ORC5: variants seen among roughly 807,000 people sequenced by gnomAD.
ORC5 encodes the protein protein phosphatase 1, regulatory subunit 117.
Under a neutral mutation model 58.8 loss-of-function variants are expected in ORC5, and 39 were observed. That is an observed-to-expected ratio of 0.66 (90% CI 0.51 to 0.87). The LOEUF (loss-of-function observed/expected upper bound fraction) is 0.87, where lower values mean the gene tolerates loss of function less well. Ranked by LOEUF, ORC5 falls within the 40% of genes least tolerant of loss-of-function variation. The probability of loss-of-function intolerance (pLI) is 0.00; values close to 1 mark genes in which losing one functional copy is unlikely to be tolerated. For missense variants in ORC5, 493 were observed against 506.3 expected (o/e 0.97, Z 0.25); for synonymous variants, 218 against 177.6 (o/e 1.23, Z -1.81).
chr7:104,167,954 A>G (rs904003149), intron 9 of ORC5: 2 of 147,426 alleles, frequency 1.4e-5, no homozygotes, highest in African/African-American at 5.2e-5. Flanking sequence ...ACCATCAGCC[A>G]CTGACTTTTA....
At chr7:104,165,696 CTGAT>C (rs1310351096) in intron 10 of ORC5, 1 of 165,026 alleles carries the variant, frequency 6.1e-6, no homozygotes, top group Non-Finnish European at 1.3e-5. Flanking sequence ...ATAATAAACA[CTGAT>C]TGAGAGCATT....
At chr7:104,185,070 A>G (rs1056880085) in intron 6 of ORC5, among the ~76,000 whole-genome samples, 10 of 135,468 alleles carry the variant, frequency 7.4e-5, no homozygotes, top group Non-Finnish European at 1.4e-4. Flanking sequence ...TATTTTGTGT[A>G]AGGCTCCTGT....
intron 8 of ORC5, among the ~76,000 whole-genome samples, chr7:104,182,594 C>T (rs546679094): frequency 4.0e-5 from 6 of 151,656 alleles, no homozygotes; most frequent in Admixed American, 1.3e-4. Context: ...TCGGTGTTAC[C>T]GCTAATACCA....
chr7:104,178,012 A>C (rs1799358013), intron 8 of ORC5, among the ~76,000 whole-genome samples: 1 of 152,174 alleles, frequency 6.6e-6, no homozygotes, highest in African/African-American at 2.4e-5. Flanking sequence ...GCTATTGTGA[A>C]TAGTGCTGCA....
In ORC5 at chr7:104,181,750, C is replaced by T. The variant is rs559292123; in HGVS notation, c.824+2193G>A. 3.3e-5 allele frequency among the ~76,000 whole-genome samples: 5 copies of T among 150,948 alleles called. No individual in the cohort carries two copies. In the South Asian group the frequency reaches 1.1e-3, roughly 32 times the overall value. ...GAGCTTGTAGTGAGCCGAGATCGCG[C>T]CACTGCACTCCAGCCTGGGCGACAG... On this transcript the variant is annotated intron_variant, in intron 8 of 13. Coordinates refer to ENST00000297431, the MANE Select transcript of ORC5 (RefSeq NM_002553.4).
intron 6 of ORC5, chr7:104,187,710 T>C (rs1799579058): frequency 1.1e-6 from 1 of 926,810 alleles, no homozygotes; most frequent in Admixed American, 6.2e-5. Context: ...AAACAGCTAT[T>C]CTAATTGTTA....
At chr7:104,156,060 T>C (rs894026769) in intron 12 of ORC5, among the ~76,000 whole-genome samples, 1 of 151,614 alleles carries the variant, frequency 6.6e-6, no homozygotes, top group African/African-American at 2.4e-5. Context: ...TTCCATTCTA[T>C]CTTATGATGA....
intron 13 of ORC5, among the ~76,000 whole-genome samples, chr7:104,135,705 T>C (rs1188491681): frequency 6.6e-6 from 1 of 152,200 alleles, no homozygotes; most frequent in African/African-American, 2.4e-5. Context: ...AGCTGTAAAA[T>C]TAATCATCAG....
At chr7:104,201,707 T>C (rs904243897) in intron 2 of ORC5, among the ~76,000 whole-genome samples, 1 of 150,894 alleles carries the variant, frequency 6.6e-6, no homozygotes, top group Non-Finnish European at 1.5e-5. Flanking sequence ...CTTATAACTT[T>C]AATATAATAT....
At chr7:104,182,162 A>G (rs887659216) in intron 8 of ORC5, among the ~76,000 whole-genome samples, 12 of 152,208 alleles carry the variant, frequency 7.9e-5, no homozygotes, top group Non-Finnish European at 1.5e-4. Context: ...AGCCTTATAC[A>G]TTGAAGCTAG....
intron 5 of ORC5, among the ~76,000 whole-genome samples, chr7:104,193,226 T>C (rs1399548814): frequency 6.6e-6 from 1 of 152,054 alleles, no homozygotes; most frequent in Non-Finnish European, 1.5e-5. Context: ...CTGAGGTTTA[T>C]AATAATAGTT....
intron 12 of ORC5, among the ~76,000 whole-genome samples, chr7:104,152,061 C>T (rs540356989): frequency 4.6e-5 from 7 of 152,278 alleles, no homozygotes; most frequent in African/African-American, 1.7e-4. Context: ...TCAAAAATCT[C>T]CAATTCATTG....
intron 1 of ORC5, among the ~76,000 whole-genome samples, chr7:104,206,783 C>T (rs145139629): frequency 1.3e-5 from 2 of 152,220 alleles, no homozygotes; most frequent in Non-Finnish European, 2.9e-5. Flanking sequence ...TTTCACTGTA[C>T]CTTTTCTATG....
intron 13 of ORC5, 36 bp from the exon 14 acceptor site, chr7:104,126,929 A>C: frequency 3.2e-5 from 46 of 1,430,238 alleles, no homozygotes; most frequent in Middle Eastern, 1.8e-4. Context: ...TAGCATTCTC[A>C]CCCCTAGATT....
At position 104,204,251 on chromosome 7, in the gene ORC5, C is replaced by T. The variant is rs369988678; in HGVS notation, c.73-17G>A. 1.4e-5 allele frequency: 19 copies of T among 1,368,882 alleles called. No homozygotes were observed. The highest frequency in any genetic ancestry group is 2.9e-5 in the African/African-American group (2 of 69,784). 84.8% of individuals were successfully genotyped at this position (1,368,882 alleles called of 1,614,324 possible). On this transcript the variant is annotated splice_polypyrimidine_tract_variant and intron_variant, in intron 1 of 13. Transcript: ENST00000297431. ...ATGATGTCTCTAACGAGAGAAAAGA[C>T]AAATATGAGGCTGCACATACAAAAT...
intron 8 of ORC5, among the ~76,000 whole-genome samples, chr7:104,175,819 A>C (rs776211030): frequency 6.6e-6 from 1 of 152,246 alleles, no homozygotes; most frequent in Non-Finnish European, 1.5e-5. Flanking sequence ...TAGTCAAGCA[A>C]ATCAGACCAA....
chr7:104,130,469 C>G (rs1039138791), intron 13 of ORC5, among the ~76,000 whole-genome samples: 2 of 152,162 alleles, frequency 1.3e-5, no homozygotes, highest in African/African-American at 4.8e-5. Flanking sequence ...CCGGACAGTT[C>G]TGTCAGGTGG....
At chr7:104,146,255 T>C (rs194864) in intron 12 of ORC5, among the ~76,000 whole-genome samples, 54,712 of 152,050 alleles carry the variant, frequency 0.36, 11,055 homozygotes, top group East Asian at 0.56. Flanking sequence ...TGGTAAAACA[T>C]ATACGCCTTA....
At chr7:104,164,486 T>C (rs1465299711) in intron 11 of ORC5, among the ~76,000 whole-genome samples, 3 of 152,192 alleles carry the variant, frequency 2.0e-5, no homozygotes, top group Non-Finnish European at 4.4e-5. Context: ...TCAAGAACAG[T>C]GGTAAACATC....
Sources: allele counts gnomAD v4.1 joint callset (sites outside exome capture counted in the v4.1 genomes callset), GRCh38; gene constraint gnomAD v4.1.1; transcripts MANE v1.5; gene names NCBI Gene and HGNC (gene_info 2026-07-23, HGNC 2026-07-21).